RUVBL2: variants seen among roughly 807,000 people sequenced by gnomAD.
RUVBL2 encodes the protein ruvB-like 2.
In RUVBL2, 9 loss-of-function variants were observed where a neutral mutation model predicts 57.9. The ratio of observed to expected loss-of-function variants is 0.16; its 90% CI spans 0.09 to 0.27. RUVBL2 has a LOEUF of 0.27. RUVBL2 is among the 10% of genes least tolerant of loss of function. The probability of loss-of-function intolerance (pLI) is 1.00; values close to 1 mark genes in which losing one functional copy is unlikely to be tolerated. For missense variants in RUVBL2, 456 were observed against 669.6 expected (o/e 0.68, Z 3.52); for synonymous variants, 278 against 264.6 (o/e 1.05, Z -0.49).
intron 2 of RUVBL2, chr19:49,001,306 C>G (rs1008406700): frequency 1.3e-5 from 2 of 151,112 alleles, no homozygotes; most frequent in Admixed American, 6.6e-5. Context: ...GGACTACAGG[C>G]GCCCGCCACC....
At position 49,015,120 on chromosome 19, in the gene RUVBL2, A is replaced by G; in HGVS notation, c.1221A>G (p.Thr407=). The G allele has an allele frequency of 1.9e-6, 3 of 1,609,790 alleles. No homozygotes were observed. The highest frequency in any genetic ancestry group is 4.5e-5 in the East Asian group (2 of 44,636). The change falls in exon 13 of 15, where the codon ACA becomes ACG. Residue 407 remains threonine, a synonymous_variant. Coordinates refer to ENST00000595090, the MANE Select transcript of RUVBL2 (RefSeq NM_006666.3). ...TSLRYAIQLI[T]AASLVCRKRK... ...TGCGCTACGCCATCCAGCTCATCAC[A>G]GCTGCCAGCTTGGTGTGCCGGAAAC...
Position 49,011,534 on chromosome 19 carries a change from C to T in RUVBL2, c.1001+224C>T, listed in dbSNP as rs2039429019. 6.6e-6 allele frequency among the ~76,000 whole-genome samples: 1 copy of T among 152,216 alleles called. No homozygotes were observed. Among genetic ancestry groups the T allele is most frequent in the South Asian group, 2.1e-4 (1 of 4,830 alleles). ...TCTGTCTTGCTGCTCCTTTAGCCCC[C>T]AAGGCTGCAGTCTTCAAACTGCGTG... On this transcript the variant is annotated intron_variant, in intron 11 of 14. Transcript: ENST00000595090. This position sits in a 1 kb window ranked among gnomAD's most constrained non-coding sequence, Gnocchi z 4.4.
chr19:49,003,902 C>G (rs1035084299), intron 3 of RUVBL2, among the ~76,000 whole-genome samples: 1 of 151,740 alleles, frequency 6.6e-6, no homozygotes, highest in Non-Finnish European at 1.5e-5. Context: ...ATTGCTTGAG[C>G]CTAAGAGCTT....
In RUVBL2 at chr19:49,014,425, C is replaced by A. The variant is rs539720367; in HGVS notation, c.1002-59C>A. On this transcript the variant is annotated intron_variant, in intron 11 of 14. Transcript: ENST00000595090. ...CGATGGGAGGTGAGAGTGTTCCCAG[C>A]AAAGGGAATGAAGAGGGAACATGCC... 1.1e-4 allele frequency: 166 copies of A among 1,575,998 alleles called. 1 individual carries two copies. In the African/African-American group the frequency reaches 2.0e-3, roughly 19 times the overall value.
chr19:48,999,216 G>T, intron 1 of RUVBL2, 103 bp from the exon 2 acceptor site: 1 of 1,250,132 alleles, frequency 8.0e-7, no homozygotes, highest in Admixed American at 1.7e-5. Flanking sequence ...GCCTGCCTGT[G>T]AGGGGAAGGA....
intron 3 of RUVBL2, among the ~76,000 whole-genome samples, chr19:49,003,638 G>A (rs1254528192): frequency 6.6e-6 from 1 of 151,962 alleles, no homozygotes; most frequent in Non-Finnish European, 1.5e-5. Flanking sequence ...ACAAAAATTA[G>A]CCGGGCATGG....
chr19:48,996,886 C>T (rs1450402862), intron 1 of RUVBL2, among the ~76,000 whole-genome samples: 2 of 151,972 alleles, frequency 1.3e-5, no homozygotes, highest in African/African-American at 4.8e-5. Context: ...TGGTCTCGAA[C>T]CCCTGACCTC....
chr19:49,004,562 A>G, intron 4 of RUVBL2, 144 bp downstream of exon 4: 1 of 816,292 alleles, frequency 1.2e-6, no homozygotes, highest in East Asian at 2.7e-5. Context: ...TTGCCCATGG[A>G]AGAATCTAGA....
At chr19:49,013,038 AC>A (rs1243478002) in intron 11 of RUVBL2, among the ~76,000 whole-genome samples, 1 of 152,190 alleles carries the variant, frequency 6.6e-6, no homozygotes, top group Non-Finnish European at 1.5e-5. Context: ...ATCTCGGCTC[AC>A]TGCAACCTCT....
At chr19:48,998,719 A>G (rs1200416579) in intron 1 of RUVBL2, among the ~76,000 whole-genome samples, 1 of 142,314 alleles carries the variant, frequency 7.0e-6, no homozygotes, top group Admixed American at 7.0e-5. Flanking sequence ...AAAAATAAGA[A>G]AAAAAAAAAA....
At chr19:49,003,925 G>A (rs2039231938) in intron 3 of RUVBL2, among the ~76,000 whole-genome samples, 1 of 151,672 alleles carries the variant, frequency 6.6e-6, no homozygotes, top group African/African-American at 2.4e-5. Flanking sequence ...GGCCAGCCTG[G>A]GTAACATAGT....
rs146374125 is a variant in RUVBL2, at chr19:49,004,659, A to C, written c.265+241A>C. 6.0e-4 allele frequency among the ~76,000 whole-genome samples: 92 copies of C among 152,278 alleles called. 1 individual carries two copies. Among genetic ancestry groups the C allele is most frequent in the Middle Eastern group, 3.4e-3 (1 of 294 alleles). ...TCCTCTGCACTTGGTTCCAGTCAAG[A>C]GGACGCCATGTTCCAAGAGGGCTGC... On this transcript the variant is annotated intron_variant, in intron 4 of 14. Transcript: ENST00000595090.
At chr19:49,014,705 G>A in intron 12 of RUVBL2, 102 bp downstream of exon 12, 3 of 1,474,282 alleles carry the variant, frequency 2.0e-6, no homozygotes, top group South Asian at 2.5e-5. Flanking sequence ...TGGTGGCTGG[G>A]CCTACAGGAG....
At chr19:49,015,507 G>A (rs1267851331) in intron 13 of RUVBL2, 65 bp from the exon 14 acceptor site, 34 of 1,219,006 alleles carry the variant, frequency 2.8e-5, no homozygotes, top group Non-Finnish European at 3.2e-5. Flanking sequence ...GGTGGCATAC[G>A]CTGGGGTCTG....
rs1179511005 is a variant in RUVBL2, at chr19:49,009,897, G to T, written c.569+15G>T. 2.2e-5 allele frequency: 35 copies of T among 1,613,566 alleles called. No individual in the cohort carries two copies. Among genetic ancestry groups the T allele is most frequent in the Non-Finnish European group, 2.9e-5 (34 of 1,179,564 alleles). On this transcript the variant is annotated intron_variant, in intron 7 of 14. Coordinates refer to ENST00000595090, the MANE Select transcript of RUVBL2 (RefSeq NM_006666.3). ...GTCCAGGCCGGGTGAGCAGTCAGGG[G>T]CCATGCCAGGCAGCCAGGGGGATGG...
At chr19:48,995,170 T>G (rs114933712) in intron 1 of RUVBL2, among the ~76,000 whole-genome samples, 1,908 of 151,970 alleles carry the variant, frequency 0.013, 43 homozygotes, top group African/African-American at 0.043. Context: ...GGGGACGGTG[T>G]GTGCTGAGTT....
Position 49,011,348 on chromosome 19 carries a change from G to A in RUVBL2, c.1001+38G>A, listed in dbSNP as rs745884261. On this transcript the variant is annotated intron_variant, in intron 11 of 14. Coordinates refer to ENST00000595090, the MANE Select transcript of RUVBL2 (RefSeq NM_006666.3). The surrounding 1 kb of genome is among the most constrained non-coding windows in gnomAD (Gnocchi z 4.4). ...CAGGGGCCTCTGGGGAAAACAGGAT[G>A]CTCTGGGCAGTGGGTGTGGTCAGAG... is the stretch of plus-strand genomic sequence containing the variant. 2.6e-6 allele frequency: 4 copies of A among 1,544,064 alleles called. No homozygotes were observed. Among genetic ancestry groups the A allele is most frequent in the Non-Finnish European group, 3.6e-6 (4 of 1,118,732 alleles).
chr19:49,006,232 G>T (rs1261928208), intron 4 of RUVBL2, among the ~76,000 whole-genome samples: 2 of 152,270 alleles, frequency 1.3e-5, no homozygotes, highest in East Asian at 3.8e-4. Flanking sequence ...CACTGGGCAG[G>T]AGGGTGTGGT....
intron 1 of RUVBL2, among the ~76,000 whole-genome samples, chr19:48,998,640 C>T (rs1042573332): frequency 2.7e-5 from 4 of 150,006 alleles, no homozygotes; most frequent in African/African-American, 7.4e-5. Flanking sequence ...ACCCAGGAGG[C>T]GGAGGTTGCA....
Sources: allele counts gnomAD v4.1 joint callset (sites outside exome capture counted in the v4.1 genomes callset), GRCh38; gene constraint gnomAD v4.1.1; non-coding constraint Gnocchi (gnomAD v3.1); transcripts MANE v1.5; gene names NCBI Gene and HGNC (gene_info 2026-07-23, HGNC 2026-07-21).